GRIA1: variants seen among roughly 807,000 people sequenced by gnomAD.
GRIA1 encodes glutamate ionotropic receptor AMPA type subunit 1.
GRIA1 carries 31 observed loss-of-function variants against 99.2 expected under a neutral mutation model. The ratio of observed to expected loss-of-function variants is 0.31; its 90% CI spans 0.23 to 0.42. The LOEUF is 0.42. Ranked by LOEUF, GRIA1 falls within the 10% of genes least tolerant of loss-of-function variation. The probability of loss-of-function intolerance (pLI) is 1.00; values close to 1 mark genes in which losing one functional copy is unlikely to be tolerated. For missense variants in GRIA1, 782 were observed against 1,157.5 expected (o/e 0.68, Z 4.71); for synonymous variants, 438 against 432.4 (o/e 1.01, Z -0.16).
intron 4 of GRIA1, among the ~76,000 whole-genome samples, chr5:153,651,787 TG>T (rs1344698568): frequency 6.6e-6 from 1 of 152,180 alleles, no homozygotes; most frequent in African/African-American, 2.4e-5. Flanking sequence ...CTTGTTCCTT[TG>T]AGATGGAAGT....
intron 2 of GRIA1, chr5:153,494,312 G>A: frequency 4.2e-6 from 2 of 476,218 alleles, no homozygotes; most frequent in Non-Finnish European, 7.5e-6. Context: ...AGCACGATGG[G>A]TGCTTGGGTT....
intron 11 of GRIA1, among the ~76,000 whole-genome samples, chr5:153,740,711 C>G (rs545959257): frequency 6.6e-6 from 1 of 152,292 alleles, no homozygotes; most frequent in South Asian, 2.1e-4. Context: ...CATACTGATG[C>G]TAGTTGCAGA....
At position 153,796,969 on chromosome 5, in the gene GRIA1, A is replaced by G. The variant is rs555831248; in HGVS notation, c.2385+2234A>G. Among the ~76,000 whole-genome samples the G allele has an allele frequency of 5.9e-5, 9 of 152,270 alleles. No homozygotes were observed. The South Asian group carries it at 1.9e-3, about 32-fold the overall frequency. On this transcript the variant is annotated intron_variant, in intron 14 of 15. Transcript: ENST00000285900. ...CCTGCCCTCCTCACAGGTAAAGAGC[A>G]TTGGCCATCTGGAAGGACCTGGGAA... is the stretch of plus-strand genomic sequence containing the variant.
intron 11 of GRIA1, among the ~76,000 whole-genome samples, chr5:153,739,556 G>A (rs1053656911): frequency 6.6e-6 from 1 of 152,194 alleles, no homozygotes; most frequent in Non-Finnish European, 1.5e-5. Flanking sequence ...GTTATAGACA[G>A]GATTCAGAGC....
At chr5:153,722,666 T>A (rs1422068640) in intron 11 of GRIA1, among the ~76,000 whole-genome samples, 1 of 152,246 alleles carries the variant, frequency 6.6e-6, no homozygotes, top group African/African-American at 2.4e-5. Flanking sequence ...GATATAGTTG[T>A]CTGTCTTTGC....
At chr5:153,687,579 T>C (rs1472906844) in intron 8 of GRIA1, among the ~76,000 whole-genome samples, 2 of 152,206 alleles carry the variant, frequency 1.3e-5, no homozygotes, top group Non-Finnish European at 2.9e-5. Flanking sequence ...TTTAAATAAA[T>C]TCCAATTTAA....
At chr5:153,695,104 G>T (rs1212804191) in intron 8 of GRIA1, among the ~76,000 whole-genome samples, 1 of 152,118 alleles carries the variant, frequency 6.6e-6, no homozygotes, top group Non-Finnish European at 1.5e-5. Flanking sequence ...CAAGACCTGG[G>T]TTCTATGTTC....
chr5:153,719,136 A>C (rs1759870055), intron 11 of GRIA1, among the ~76,000 whole-genome samples: 1 of 152,150 alleles, frequency 6.6e-6, no homozygotes, highest in Non-Finnish European at 1.5e-5. Flanking sequence ...GCTTTGCAGG[A>C]ATTGTAAATA....
At chr5:153,522,632 G>C (rs952934075) in intron 2 of GRIA1, among the ~76,000 whole-genome samples, 2 of 152,132 alleles carry the variant, frequency 1.3e-5, no homozygotes, top group Non-Finnish European at 2.9e-5. Flanking sequence ...AGCTGAAAGA[G>C]GGACCATCCT....
intron 2 of GRIA1, among the ~76,000 whole-genome samples, chr5:153,495,150 C>T (rs1475633519): frequency 6.6e-6 from 1 of 152,200 alleles, no homozygotes; most frequent in African/African-American, 2.4e-5. Context: ...ATTCCAAGAA[C>T]TATAATTATA....
At chr5:153,765,242 C>T (rs1377683831) in intron 12 of GRIA1, among the ~76,000 whole-genome samples, 3 of 152,030 alleles carry the variant, frequency 2.0e-5, no homozygotes, top group African/African-American at 7.2e-5. Context: ...AGATGGAGGC[C>T]CAGAACCTGG....
In GRIA1 at chr5:153,493,918, T is replaced by G. The variant is rs772080086; in HGVS notation, c.83-10T>G. ...GCCCATATACCATGTTGCATTTTCT[T>G]TTCTCATAGGGGGATTATTTCCAAA... On this transcript the variant is annotated splice_polypyrimidine_tract_variant and intron_variant, in intron 1 of 15. Transcript: ENST00000285900. 3.7e-6 allele frequency: 6 copies of G among 1,613,910 alleles called. No homozygotes were observed. The East Asian group carries it at 8.9e-5, about 24-fold the overall frequency.
intron 2 of GRIA1, among the ~76,000 whole-genome samples, chr5:153,609,146 C>T (rs904138678): frequency 2.6e-5 from 4 of 152,208 alleles, no homozygotes; most frequent in African/African-American, 7.2e-5. Flanking sequence ...TGAGCTTCCT[C>T]TTAGTTGTTT....
chr5:153,537,831 G>A (rs912198484), intron 2 of GRIA1, among the ~76,000 whole-genome samples: 4 of 152,192 alleles, frequency 2.6e-5, no homozygotes, highest in South Asian at 2.1e-4. Context: ...CAAAACATGA[G>A]ATGTGGTTTT....
chr5:153,565,818 T>C (rs1435566882), intron 2 of GRIA1, among the ~76,000 whole-genome samples: 1 of 149,692 alleles, frequency 6.7e-6, no homozygotes, highest in Non-Finnish European at 1.5e-5. Context: ...TGAAATATTA[T>C]AGGACTATAG....
Position 153,655,966 on chromosome 5 carries a change from G to T in GRIA1, c.699+94G>T, listed in dbSNP as rs1405971656. On this transcript the variant is annotated intron_variant, in intron 5 of 15. Transcript: ENST00000285900. Reference sequence around the variant, plus strand: ...GTCCCTGGCTGATGTGAACTGAGTAGGTGGAAGGGGCAATTCAGGGCTGTA... The same window carrying T: ...GTCCCTGGCTGATGTGAACTGAGTATGTGGAAGGGGCAATTCAGGGCTGTA... 3 of 982,066 alleles carry T rather than the reference G, an allele frequency of 3.1e-6. No individual in the cohort carries two copies. The Admixed American group carries it at 5.2e-5, about 17-fold the overall frequency. The allele number at this position is 982,066 out of a possible 1,614,324, so 60.8% of individuals were successfully genotyped here. A position where few individuals can be genotyped will look rare whatever the true frequency, so the allele number is the denominator to read the frequency against.
chr5:153,589,561 G>A (rs1763783208), intron 2 of GRIA1, among the ~76,000 whole-genome samples: 2 of 152,052 alleles, frequency 1.3e-5, no homozygotes, highest in South Asian at 4.2e-4. Context: ...GGATTCAAGT[G>A]CTCTAACATG....
At chr5:153,666,739 A>G (rs1394912949) in intron 5 of GRIA1, among the ~76,000 whole-genome samples, 4 of 152,222 alleles carry the variant, frequency 2.6e-5, no homozygotes, top group African/African-American at 9.7e-5. Flanking sequence ...ATTAAATGAG[A>G]TAACACAAAT....
chr5:153,662,847 G>A (rs1481931497), intron 5 of GRIA1, among the ~76,000 whole-genome samples: 1 of 152,138 alleles, frequency 6.6e-6, no homozygotes, highest in Non-Finnish European at 1.5e-5. Flanking sequence ...GAGACAGAGA[G>A]GGAGCTCAGA....
Sources: allele counts gnomAD v4.1 joint callset (sites outside exome capture counted in the v4.1 genomes callset), GRCh38; gene constraint gnomAD v4.1.1; transcripts MANE v1.5; gene names NCBI Gene and HGNC (gene_info 2026-07-23, HGNC 2026-07-21).